Variants in PRKN observed in about 807,000 individuals in gnomAD.
The protein encoded by PRKN is parkin RBR E3 ubiquitin protein ligase.
A neutral mutation model predicts 59.5 loss-of-function variants in PRKN; 56 were observed. That is an observed-to-expected ratio of 0.94 (90% CI 0.76 to 1.18). The LOEUF is 1.18. Among genes scored for constraint, PRKN ranks in the 50% most tolerant of loss-of-function variants. The pLI, the probability that PRKN is intolerant of heterozygous loss-of-function variation, is 0.00. For synonymous variants in PRKN, 250 were observed against 222.1 expected, an observed-to-expected ratio of 1.13 and a Z score of -1.12; for missense variants, 657 against 596.4, an observed-to-expected ratio of 1.10 and a Z score of -1.06.
intron 7 of PRKN, among the ~76,000 whole-genome samples, chr6:161,687,256 G>A (rs965200825): frequency 2.0e-5 from 3 of 151,184 alleles, no homozygotes; most frequent in African/African-American, 4.9e-5. Context: ...AGGCTTGGTG[G>A]CATGTGCCTG....
intron 3 of PRKN, among the ~76,000 whole-genome samples, chr6:162,237,420 A>G (rs538008679): frequency 2.0e-5 from 3 of 152,300 alleles, no homozygotes; most frequent in African/African-American, 7.2e-5. Flanking sequence ...TTTCTTCTTC[A>G]TATTATTGAA....
intron 7 of PRKN, among the ~76,000 whole-genome samples, chr6:161,746,800 AC>A (rs1161230514): frequency 3.4e-5 from 5 of 148,526 alleles, no homozygotes; most frequent in Non-Finnish European, 7.4e-5. Context: ...CTAGATATGC[AC>A]AGACATATAT....
chr6:161,702,746 A>C (rs1786306996), intron 7 of PRKN, among the ~76,000 whole-genome samples: 1 of 152,186 alleles, frequency 6.6e-6, no homozygotes, highest in Non-Finnish European at 1.5e-5. Context: ...AGAAGATATA[A>C]GTGTAAAATG....
chr6:161,431,063 TG>T (rs571350780), intron 9 of PRKN, among the ~76,000 whole-genome samples: 26 of 147,494 alleles, frequency 1.8e-4, no homozygotes, highest in African/African-American at 6.3e-4. Flanking sequence ...TGCTTGAACC[TG>T]GGGGGCGGAG....
intron 7 of PRKN, among the ~76,000 whole-genome samples, chr6:161,720,470 G>A (rs144257213): frequency 4.1e-4 from 63 of 152,148 alleles, no homozygotes; most frequent in African/African-American, 1.3e-3. Context: ...TGGAGGCACC[G>A]CAAACTCATC....
chr6:162,285,266 A>AT (rs11392809), intron 2 of PRKN, among the ~76,000 whole-genome samples: 21,119 of 95,752 alleles, frequency 0.22, 2,678 homozygotes, highest in South Asian at 0.37. Flanking sequence ...TATTTTGGAG[A>AT]TTTTTTTTTT....
chr6:161,760,098 C>G (rs1789129150), intron 7 of PRKN, among the ~76,000 whole-genome samples: 2 of 150,164 alleles, frequency 1.3e-5, no homozygotes, highest in Non-Finnish European at 1.5e-5. Flanking sequence ...ATCCGGTGGT[C>G]ACAATGTCAA....
chr6:161,351,658 A>C (rs1784558625), intron 11 of PRKN, among the ~76,000 whole-genome samples: 1 of 152,172 alleles, frequency 6.6e-6, no homozygotes. Context: ...TATGTTCCTT[A>C]ATGCTATCCA....
At chr6:161,665,668 C>T (rs1784699930) in intron 7 of PRKN, among the ~76,000 whole-genome samples, 1 of 152,174 alleles carries the variant, frequency 6.6e-6, no homozygotes, top group South Asian at 2.1e-4. Context: ...ACTCACCCTA[C>T]ATTAGTATCA....
chr6:161,632,876 T>C (rs1400094507), intron 7 of PRKN, among the ~76,000 whole-genome samples: 1 of 152,082 alleles, frequency 6.6e-6, no homozygotes, highest in Non-Finnish European at 1.5e-5. Flanking sequence ...AAGTAAACAC[T>C]CCCATGATTC....
intron 2 of PRKN, among the ~76,000 whole-genome samples, chr6:162,296,079 T>C (rs1781660570): frequency 6.6e-6 from 1 of 151,918 alleles, no homozygotes; most frequent in East Asian, 1.9e-4. Flanking sequence ...TAAATAAAAT[T>C]TAAAAACAAA....
At chr6:161,721,839 A>G (rs1181979155) in intron 7 of PRKN, among the ~76,000 whole-genome samples, 2 of 152,200 alleles carry the variant, frequency 1.3e-5, no homozygotes, top group African/African-American at 4.8e-5. Context: ...TGCTTGGGTA[A>G]GTGGCAGATT....
chr6:161,980,497 A>T lies in PRKN; in HGVS notation c.619-7080T>A, dbSNP rs1026336774. 2.8e-4 allele frequency among the ~76,000 whole-genome samples: 43 copies of T among 152,208 alleles called. 1 individual carries two copies. Among genetic ancestry groups the T allele is most frequent in the Non-Finnish European group, 1.8e-4 (12 of 68,040 alleles). On this transcript the variant is annotated intron_variant, in intron 5 of 11. Coordinates refer to ENST00000366898, the MANE Select transcript of PRKN (RefSeq NM_004562.3). ...AATTGAATGAGATTAGTTATAGAGGAGTGGAAGCACAGAAGAACTAAACAG... is the reference window on the plus strand; with the variant it reads ...AATTGAATGAGATTAGTTATAGAGGTGTGGAAGCACAGAAGAACTAAACAG...
At chr6:162,073,960 T>C (rs944370847) in intron 4 of PRKN, among the ~76,000 whole-genome samples, 5 of 151,906 alleles carry the variant, frequency 3.3e-5, no homozygotes, top group Middle Eastern at 3.4e-3. Context: ...AGAATGGCAA[T>C]CATTAAAAAG....
rs370584100 is a variant in PRKN, at chr6:162,213,860, T to C, written c.413-12608A>G. Among the ~76,000 whole-genome samples, 19 of 120,204 alleles carry C rather than the reference T, an allele frequency of 1.6e-4. No homozygotes were observed. In the South Asian group the frequency reaches 1.6e-3, roughly 10 times the overall value. The allele number at this position is 120,204 out of a possible 152,430, so 78.9% of individuals were successfully genotyped here. ...ACACACACACACACACACACACACA[T>C]ATGAATAGTAAGAAGTAATAGAGTC... On this transcript the variant is annotated intron_variant, in intron 3 of 11. Transcript: ENST00000366898.
At chr6:162,319,412 T>A (rs752568409) in intron 2 of PRKN, among the ~76,000 whole-genome samples, 1 of 151,950 alleles carries the variant, frequency 6.6e-6, no homozygotes, top group Non-Finnish European at 1.5e-5. Context: ...CTGCAGTTGA[T>A]TAAAGATGAA....
chr6:161,767,251 T>C lies in PRKN; in HGVS notation c.871+18521A>G, dbSNP rs369086771. Among the ~76,000 whole-genome samples the C allele has an allele frequency of 4.5e-3, 692 of 152,250 alleles. 8 individuals carry two copies. The highest frequency in any genetic ancestry group is 0.015 in the African/African-American group (619 of 41,554). On this transcript the variant is annotated intron_variant, in intron 7 of 11. Coordinates refer to ENST00000366898, the MANE Select transcript of PRKN (RefSeq NM_004562.3). ...AGCATGGGCCGGGCACGGTGGCTCA[T>C]GCCTGTAATCCCAGCACTTTGGGAG...
rs1781318011 is a variant in PRKN at position 161,581,041 on chromosome 6, A to ACACAC, written c.872-11626_872-11625insGTGTG. ...ACACAGTGAAATCCTGTCTCTACTA[A>ACACAC]ACACACACACACACACACACACACA... On this transcript the variant is annotated intron_variant, in intron 7 of 11. Coordinates refer to ENST00000366898, the MANE Select transcript of PRKN (RefSeq NM_004562.3). The surrounding 1 kb of genome is among the most constrained non-coding windows in gnomAD (Gnocchi z 4.5). Among the ~76,000 whole-genome samples, 3 of 137,538 alleles carry ACACAC rather than the reference A, an allele frequency of 2.2e-5. No homozygotes were observed. The highest frequency in any genetic ancestry group is 4.7e-5 in the Non-Finnish European group (3 of 64,424). 90.2% of individuals were successfully genotyped at this position (137,538 alleles called of 152,430 possible). A position where few individuals can be genotyped will look rare whatever the true frequency, so the allele number is the denominator to read the frequency against.
rs1777782038 is a variant in PRKN at position 161,497,159 on chromosome 6, A to G, written c.1083+51695T>C. Among the ~76,000 whole-genome samples, 1 of 152,210 alleles carries G rather than the reference A, an allele frequency of 6.6e-6. No individual in the cohort carries two copies. The highest frequency in any genetic ancestry group is 1.5e-5 in the Non-Finnish European group (1 of 68,036). ...CCAGGGCCAGGCGGCATTGCTGGCT[A>G]GTGGCCTGCAGGAGGGGCACTTATC... On this transcript the variant is annotated intron_variant, in intron 9 of 11. Transcript: ENST00000366898. The surrounding 1 kb of genome is among the most constrained non-coding windows in gnomAD (Gnocchi z 4.6).
Sources: allele counts gnomAD v4.1 joint callset (sites outside exome capture counted in the v4.1 genomes callset), GRCh38; gene constraint gnomAD v4.1.1; non-coding constraint Gnocchi (gnomAD v3.1); transcripts MANE v1.5; gene names NCBI Gene and HGNC (gene_info 2026-07-23, HGNC 2026-07-21).